COLQ: variants seen among roughly 807,000 people sequenced by gnomAD.
COLQ encodes collagen like tail subunit of asymmetric acetylcholinesterase.
In COLQ, 48 loss-of-function variants were observed where a neutral mutation model predicts 69.0. The observed-to-expected ratio is 0.70, with a 90% CI of 0.55 to 0.88. COLQ has a LOEUF of 0.88. Ranked by LOEUF, COLQ falls within the 40% of genes least tolerant of loss-of-function variation. COLQ has a pLI of 0.00. For synonymous variants in COLQ, 217 were observed against 211.2 expected, an observed-to-expected ratio of 1.03 and a Z score of -0.24; for missense variants, 618 against 594.6, an observed-to-expected ratio of 1.04 and a Z score of -0.41.
chr3:15,488,363 T>G (rs1427836334), intron 2 of COLQ, 56 bp from the exon 3 acceptor site: 59 of 1,462,614 alleles, frequency 4.0e-5, no homozygotes, highest in Non-Finnish European at 5.0e-5. Context: ...AGAGGAAGGG[T>G]CACCATCCTG....
chr3:15,475,472 G>A lies in COLQ; in HGVS notation c.481C>T (p.Leu161=). The A allele has an allele frequency of 6.2e-7, 1 of 1,600,588 alleles. No homozygotes were observed. The highest frequency in any genetic ancestry group is 8.5e-7 in the Non-Finnish European group (1 of 1,172,692). ...GACCCTGGCAAGCCCATCATACCCA[G>A]GTCACCTTTTTCACCCTGTGGGAAT... is the stretch of plus-strand genomic sequence containing the variant. The part of the protein sequence containing the change: ...PEGPRGEKGD[L]GMMGLPGSRG... The change falls in exon 7 of 17, where the codon CTG becomes TTG. Residue 161 remains leucine (L), a synonymous_variant. Transcript: ENST00000383788.
chr3:15,499,010 CTCAAA>C, intron 1 of COLQ: 13 of 1,016,080 alleles, frequency 1.3e-5, no homozygotes, highest in East Asian at 8.7e-5. Flanking sequence ...TCTGGTAAGC[CTCAAA>C]GTCAACCCCC....
intron 1 of COLQ, among the ~76,000 whole-genome samples, chr3:15,513,750 T>A (rs865906016): frequency 6.6e-6 from 1 of 152,188 alleles, no homozygotes; most frequent in African/African-American, 2.4e-5. Context: ...GATGTCACTT[T>A]AACAAAACAC....
At chr3:15,491,629 C>T (rs1028183473) in intron 1 of COLQ, among the ~76,000 whole-genome samples, 5 of 152,224 alleles carry the variant, frequency 3.3e-5, no homozygotes, top group African/African-American at 9.6e-5. Context: ...AGGCCTAAAG[C>T]GACCTTTTAC....
At chr3:15,490,165 G>A (rs916045509) in intron 1 of COLQ, among the ~76,000 whole-genome samples, 3 of 152,136 alleles carry the variant, frequency 2.0e-5, no homozygotes, top group Non-Finnish European at 2.9e-5. Flanking sequence ...GGAGAGTTAC[G>A]GTTTAATGTC....
At chr3:15,457,850 C>T (rs1322228284) in intron 13 of COLQ, among the ~76,000 whole-genome samples, 1 of 152,124 alleles carries the variant, frequency 6.6e-6, no homozygotes, top group Non-Finnish European at 1.5e-5. Flanking sequence ...AACTCCTGAC[C>T]TTATAATCCA....
At chr3:15,492,815 A>G (rs545926336) in intron 1 of COLQ, among the ~76,000 whole-genome samples, 1 of 152,308 alleles carries the variant, frequency 6.6e-6, no homozygotes, top group East Asian at 1.9e-4. Context: ...CTCACTCCTG[A>G]CCCGGCTCAA....
At chr3:15,489,774 C>T (rs1191517751) in intron 1 of COLQ, 137 bp from the exon 2 acceptor site, 10 of 720,556 alleles carry the variant, frequency 1.4e-5, no homozygotes, top group Non-Finnish European at 2.2e-5. Context: ...GTGGATAGGC[C>T]TCCTGTTGGC....
intron 1 of COLQ, among the ~76,000 whole-genome samples, chr3:15,519,303 C>G (rs942036982): frequency 2.0e-5 from 3 of 152,230 alleles, no homozygotes; most frequent in African/African-American, 7.2e-5. Flanking sequence ...GTGTTCCAGT[C>G]CCTGACCTCC....
Position 15,450,941 on chromosome 3 carries a change from C to G in COLQ, c.*703G>C, listed in dbSNP as rs537057072. 6.5e-6 allele frequency: 1 copy of G among 152,856 alleles called. No individual in the cohort carries two copies. Among genetic ancestry groups the G allele is most frequent in the South Asian group, 2.1e-4 (1 of 4,834 alleles). The allele number at this position is 152,856 out of a possible 1,614,324, so 9.5% of individuals were successfully genotyped here. On this transcript the variant is annotated 3_prime_UTR_variant, in exon 17 of 17. Transcript: ENST00000383788. ...GAGATTTTGAAACCACAAGAGCCGC[C>G]CCTTTGGGAAACACTGAGAAGAGGA...
At chr3:15,514,867 G>A (rs192343126) in intron 1 of COLQ, among the ~76,000 whole-genome samples, 1 of 152,216 alleles carries the variant, frequency 6.6e-6, no homozygotes, top group Non-Finnish European at 1.5e-5. Context: ...CCAGCAGCTT[G>A]TCCTGCTTTT....
chr3:15,489,427 G>T (rs1306310323), intron 2 of COLQ, 98 bp downstream of exon 2: 11 of 1,112,414 alleles, frequency 9.9e-6, no homozygotes, highest in Non-Finnish European at 1.5e-5. Flanking sequence ...AAAGATTCCG[G>T]AGGCAGCTCA....
chr3:15,490,091 T>C (rs149891015), intron 1 of COLQ, among the ~76,000 whole-genome samples: 38 of 152,294 alleles, frequency 2.5e-4, no homozygotes, highest in African/African-American at 8.9e-4. Flanking sequence ...CCCAGACCCA[T>C]GATTTAAAAC....
At chr3:15,480,265 T>C (rs923689178) in intron 3 of COLQ, among the ~76,000 whole-genome samples, 1 of 152,216 alleles carries the variant, frequency 6.6e-6, no homozygotes, top group African/African-American at 2.4e-5. Flanking sequence ...ATGTGCCATC[T>C]TGGTGTGCTG....
chr3:15,486,378 A>G (rs1457192025), intron 3 of COLQ, among the ~76,000 whole-genome samples: 2 of 152,202 alleles, frequency 1.3e-5, no homozygotes, highest in Non-Finnish European at 2.9e-5. Flanking sequence ...TTGCTGGTTC[A>G]CAGACCTCAC....
chr3:15,493,400 T>C lies in COLQ; in HGVS notation c.107-3763A>G, dbSNP rs148018812. Among the ~76,000 whole-genome samples, 419 of 152,392 alleles carry C rather than the reference T, an allele frequency of 2.7e-3. 1 individual carries two copies. The highest frequency in any genetic ancestry group is 9.2e-3 in the African/African-American group (383 of 41,598). On this transcript the variant is annotated intron_variant, in intron 1 of 16. Coordinates refer to ENST00000383788, the MANE Select transcript of COLQ (RefSeq NM_005677.4). Reference sequence around the variant, plus strand: ...CTGGAGCCAATGAGTCAATGGGACATGACACTGTCCTGGTATTTCTCTCAC... The same window carrying C: ...CTGGAGCCAATGAGTCAATGGGACACGACACTGTCCTGGTATTTCTCTCAC...
At chr3:15,476,078 C>A (rs2062373989) in intron 6 of COLQ, among the ~76,000 whole-genome samples, 1 of 152,162 alleles carries the variant, frequency 6.6e-6, no homozygotes, top group Non-Finnish European at 1.5e-5. Context: ...TCTAATTAAT[C>A]ATCCCAACTT....
intron 3 of COLQ, among the ~76,000 whole-genome samples, chr3:15,482,327 TATG>T (rs2062501072): frequency 6.6e-6 from 1 of 152,246 alleles, no homozygotes. Context: ...GCCCATTCAG[TATG>T]ATATTGGCTA....
intron 1 of COLQ, among the ~76,000 whole-genome samples, chr3:15,499,931 C>T (rs951979152): frequency 9.2e-5 from 14 of 152,204 alleles, no homozygotes; most frequent in African/African-American, 3.4e-4. Context: ...AGAGCTACAG[C>T]TTTTGGAATT....
Sources: allele counts gnomAD v4.1 joint callset (sites outside exome capture counted in the v4.1 genomes callset), GRCh38; gene constraint gnomAD v4.1.1; transcripts MANE v1.5; gene names NCBI Gene and HGNC (gene_info 2026-07-23, HGNC 2026-07-21).